The following RAD52 variants were observed in gnomAD, a reference collection of about 807,000 sequenced individuals.
RAD52 encodes DNA repair protein RAD52 homolog.
A neutral mutation model predicts 55.5 loss-of-function variants in RAD52; 47 were observed. The observed-to-expected ratio is 0.85, with a 90% CI of 0.67 to 1.08. The LOEUF (loss-of-function observed/expected upper bound fraction) is 1.08. Ranked by LOEUF, RAD52 falls within the 50% of genes least tolerant of loss-of-function variation. The pLI is 0.00. For missense variants in RAD52, 468 were observed against 522.8 expected (o/e 0.90, Z 1.02); for synonymous variants, 184 against 198.9 (o/e 0.92, Z 0.63).
At chr12:947,323 T>C (rs1958286689) in intron 1 of RAD52, among the ~76,000 whole-genome samples, 1 of 66,648 alleles carries the variant, frequency 1.5e-5, no homozygotes, top group Admixed American at 1.5e-4. Flanking sequence ...CGAAACTCTG[T>C]CCCCCCAAAA....
chr12:916,722 C>G lies in RAD52; in HGVS notation c.642G>C (p.Leu214=). The change falls in exon 8 of 12, where the codon CTG becomes CTC. Residue 214 remains leucine (L), a synonymous_variant. Transcript: ENST00000358495. ...RYNSCRPNMA[L]GHPQLQQVTS... is the part of the protein sequence containing the mutation. The stretch of plus-strand genomic sequence containing the variant: ...TCACCTGCTGCAGCTGTGGGTGTCC[C>G]AGGGCCATGTTCGGTCGGCAGCTGT... The G allele has an allele frequency of 6.2e-7, 1 of 1,614,196 alleles. No homozygotes were observed. Among genetic ancestry groups the G allele is most frequent in the South Asian group, 1.1e-5 (1 of 91,084 alleles).
At chr12:989,306 T>A (rs1356381234) in intron 1 of RAD52, among the ~76,000 whole-genome samples, 1 of 152,194 alleles carries the variant, frequency 6.6e-6, no homozygotes, top group Non-Finnish European at 1.5e-5. Context: ...TACATTATGC[T>A]TTTCTCCATT....
chr12:927,018 G>C, intron 6 of RAD52, 127 bp downstream of exon 6: 1 of 1,536,662 alleles, frequency 6.5e-7, no homozygotes, highest in Non-Finnish European at 8.9e-7. Context: ...GCAGGGGTGA[G>C]AATTACCTTC....
intron 1 of RAD52, among the ~76,000 whole-genome samples, chr12:947,656 A>G (rs10744730): frequency 0.99 from 149,579 of 151,276 alleles, 73,970 homozygotes; most frequent in Non-Finnish European, 1. Flanking sequence ...GGAGGCCGAG[A>G]TGGGTGGATC....
At chr12:923,957 G>A (rs759034061) in intron 7 of RAD52, among the ~76,000 whole-genome samples, 7 of 151,904 alleles carry the variant, frequency 4.6e-5, no homozygotes, top group Non-Finnish European at 1.0e-4. Flanking sequence ...GACTTGGGAG[G>A]CTGAGGCAGG....
At chr12:970,453 C>G (rs1363518260) in intron 1 of RAD52, among the ~76,000 whole-genome samples, 1 of 151,438 alleles carries the variant, frequency 6.6e-6, no homozygotes. Flanking sequence ...AGTCAAGAAG[C>G]TATCCATAGT....
chr12:920,240 A>T lies in RAD52; in HGVS notation c.544-3420T>A, dbSNP rs569137455. 1.1e-3 allele frequency among the ~76,000 whole-genome samples: 118 copies of T among 110,422 alleles called. 29 individuals carry two copies. Among genetic ancestry groups the T allele is most frequent in the African/African-American group, 4.1e-3 (108 of 26,234 alleles). 72.4% of individuals were successfully genotyped at this position (110,422 alleles called of 152,430 possible). Reference sequence around the variant, plus strand: ...TCAAAAAAAAAAAAAAAATTGTTATAGGAGACGAGAGTATTATATAATGAT... The same window carrying T: ...TCAAAAAAAAAAAAAAAATTGTTATTGGAGACGAGAGTATTATATAATGAT... On this transcript the variant is annotated intron_variant, in intron 7 of 11. Transcript: ENST00000358495.
At chr12:978,890 G>A (rs201670916) in intron 1 of RAD52, among the ~76,000 whole-genome samples, 1 of 149,410 alleles carries the variant, frequency 6.7e-6, no homozygotes, top group African/African-American at 2.5e-5. Context: ...TAGATGATAG[G>A]TAGATAGATA....
intron 1 of RAD52, among the ~76,000 whole-genome samples, chr12:983,653 C>T (rs111714797): frequency 2.0e-5 from 3 of 152,310 alleles, no homozygotes; most frequent in African/African-American, 7.2e-5. Context: ...CTCCTGACCT[C>T]AGGTGGTCCA....
intron 1 of RAD52, among the ~76,000 whole-genome samples, chr12:948,411 G>T (rs1001011035): frequency 1.3e-5 from 2 of 152,142 alleles, no homozygotes; most frequent in Non-Finnish European, 2.9e-5. Flanking sequence ...TTAAAAGGGT[G>T]AATTTAGACT....
chr12:980,253 G>C (rs934741748), intron 1 of RAD52, among the ~76,000 whole-genome samples: 1 of 151,844 alleles, frequency 6.6e-6, no homozygotes, highest in Non-Finnish European at 1.5e-5. Context: ...AAAAAATATC[G>C]GATATGTGAT....
chr12:919,133 T>C (rs1388842621), intron 7 of RAD52, among the ~76,000 whole-genome samples: 2 of 152,092 alleles, frequency 1.3e-5, no homozygotes, highest in Non-Finnish European at 2.9e-5. Flanking sequence ...AAGGTCTGAT[T>C]CTCTATCTGG....
rs748007265 is a variant in RAD52, at chr12:916,655, G to A, written c.709C>T (p.Gln237Ter). The A allele has an allele frequency of 6.2e-7, 1 of 1,613,766 alleles. No individual in the cohort carries two copies. Among genetic ancestry groups the A allele is most frequent in the Admixed American group, 1.7e-5 (1 of 59,988 alleles). The change falls in exon 8 of 12, where the codon CAG becomes TAG. Residue 237 changes from glutamine (Q) to a stop codon, truncating the protein, a stop_gained. Transcript: ENST00000358495. LOFTEE classifies it high-confidence loss of function. The part of the protein sequence containing the change: ...RPSHAVIPAD[Q>*]DCSSRSLSSS... ...GCCGCATACCGGGAGCTGCAGTCCT[G>A]GTCCGCCGGTATCACAGCATGGCTG...
At chr12:945,305 C>T (rs372546958) in intron 1 of RAD52, among the ~76,000 whole-genome samples, 21 of 150,938 alleles carry the variant, frequency 1.4e-4, no homozygotes, top group African/African-American at 4.9e-4. Context: ...GAGCCAAGAT[C>T]GCACCACTGC....
intron 3 of RAD52, among the ~76,000 whole-genome samples, chr12:930,520 A>C (rs1957272469): frequency 6.6e-6 from 1 of 152,188 alleles, no homozygotes; most frequent in Non-Finnish European, 1.5e-5. Context: ...AAAAGTACAA[A>C]TCTGTTTGAC....
intron 1 of RAD52, among the ~76,000 whole-genome samples, chr12:973,518 C>T (rs940495222): frequency 1.3e-5 from 2 of 151,606 alleles, no homozygotes; most frequent in South Asian, 2.1e-4. Context: ...GGCTCTGTTG[C>T]GCAGGCTGGA....
At chr12:974,621 C>A (rs2154121478) in intron 1 of RAD52, 1 of 152,308 alleles carries the variant, frequency 6.6e-6, no homozygotes, top group East Asian at 1.9e-4. Context: ...CACTGTAAAT[C>A]AGTATTCTCC....
chr12:988,080 C>G (rs1034138043), intron 1 of RAD52, among the ~76,000 whole-genome samples: 2 of 152,178 alleles, frequency 1.3e-5, no homozygotes, highest in African/African-American at 2.4e-5. Flanking sequence ...TGAGGTAATA[C>G]TTACACCTCA....
intron 1 of RAD52, among the ~76,000 whole-genome samples, chr12:978,407 T>C (rs1485214960): frequency 6.6e-6 from 1 of 152,250 alleles, no homozygotes; most frequent in Non-Finnish European, 1.5e-5. Flanking sequence ...AATACTATGT[T>C]CAAATGTAAC....
Sources: gnomAD v4.1 joint callset for allele counts (sites outside exome capture counted in the v4.1 genomes callset) on GRCh38, gnomAD v4.1.1 for gene constraint, MANE v1.5 for transcripts, NCBI Gene and HGNC (gene_info 2026-07-23, HGNC 2026-07-21) for gene names.